Variants in PCBD2 observed in about 807,000 individuals in gnomAD.
The protein encoded by PCBD2 is pterin-4-alpha-carbinolamine dehydratase 2.
Under a neutral mutation model 16.4 loss-of-function variants are expected in PCBD2, and 12 were observed. The ratio of observed to expected loss-of-function variants is 0.73; its 90% CI spans 0.47 to 1.19. The LOEUF is 1.19. Among genes scored for constraint, PCBD2 ranks in the 50% most tolerant of loss-of-function variants. The probability of loss-of-function intolerance (pLI) is 0.00; values close to 1 mark genes in which losing one functional copy is unlikely to be tolerated. For synonymous variants in PCBD2, 58 were observed against 61.8 expected, an observed-to-expected ratio of 0.94 and a Z score of 0.29; for missense variants, 138 against 156.8, an observed-to-expected ratio of 0.88 and a Z score of 0.64.
At chr5:134,935,394 T>C (rs2149536257) in intron 2 of PCBD2, among the ~76,000 whole-genome samples, 1 of 152,370 alleles carries the variant, frequency 6.6e-6, no homozygotes, top group African/African-American at 2.4e-5. Context: ...AACTCCTTTA[T>C]TCCCCATTAT....
At chr5:134,940,733 C>T (rs1246334987) in intron 2 of PCBD2, among the ~76,000 whole-genome samples, 2 of 152,136 alleles carry the variant, frequency 1.3e-5, no homozygotes, top group Non-Finnish European at 2.9e-5. Context: ...CTCACAATCC[C>T]TTGGTGAGTG....
chr5:134,962,294 A>G lies in PCBD2; in HGVS notation c.*1613A>G, dbSNP rs1047186760. Among the ~76,000 whole-genome samples the G allele has an allele frequency of 1.4e-4, 21 of 152,006 alleles. No individual in the cohort carries two copies. The highest frequency in any genetic ancestry group is 2.2e-4 in the Non-Finnish European group (15 of 68,012). On this transcript the variant is annotated 3_prime_UTR_variant, in exon 4 of 4. Coordinates refer to ENST00000254908, the MANE Select transcript of PCBD2 (RefSeq NM_032151.5). Reference sequence around the variant, plus strand: ...TTTTTTGTGGAGACAGGGTCTTACTATGTTGCCATGGCTGGTCTAGAACTT... The same window carrying G: ...TTTTTTGTGGAGACAGGGTCTTACTGTGTTGCCATGGCTGGTCTAGAACTT...
intron 2 of PCBD2, among the ~76,000 whole-genome samples, chr5:134,938,475 AG>A (rs1751187583): frequency 6.6e-6 from 1 of 152,196 alleles, no homozygotes; most frequent in Non-Finnish European, 1.5e-5. Context: ...CCATATGACG[AG>A]GGTGTCCTCT....
At position 134,951,032 on chromosome 5, in the gene PCBD2, T is replaced by A. The variant is rs183033880; in HGVS notation, c.217-8008T>A. 1.3e-3 allele frequency among the ~76,000 whole-genome samples: 197 copies of A among 152,340 alleles called. 2 individuals carry two copies. Among genetic ancestry groups the A allele is most frequent in the Non-Finnish European group, 2.2e-3 (152 of 68,020 alleles). ...CTTTACAGTGGGAACTTCATTTGCA[T>A]GTTGTTCATTTTTTTCCCAAACTAA... On this transcript the variant is annotated intron_variant, in intron 2 of 3. Transcript: ENST00000254908.
chr5:134,922,869 G>A (rs568147162), intron 2 of PCBD2, among the ~76,000 whole-genome samples: 5 of 151,930 alleles, frequency 3.3e-5, no homozygotes, highest in Non-Finnish European at 7.4e-5. Context: ...GTAGACACGG[G>A]GTTTCACCGT....
intron 2 of PCBD2, among the ~76,000 whole-genome samples, chr5:134,941,214 T>G (rs1751223819): frequency 6.6e-6 from 1 of 152,066 alleles, no homozygotes. Context: ...GAGGATTTGA[T>G]GATGATATCC....
chr5:134,927,038 G>A lies in PCBD2; in HGVS notation c.216+16572G>A, dbSNP rs550353863. On this transcript the variant is annotated intron_variant, in intron 2 of 3. Coordinates refer to ENST00000254908, the MANE Select transcript of PCBD2 (RefSeq NM_032151.5). ...TGATGCGACTGTGGGTACGTTCGTA[G>A]TTTGAGTTTGCTAGGCAGAATAGTA... is the stretch of plus-strand genomic sequence containing the variant. 1,312 of 398,530 alleles carry A rather than the reference G, an allele frequency of 3.3e-3. 13 individuals carry two copies. Among genetic ancestry groups the A allele is most frequent in the African/African-American group, 0.025 (1,214 of 48,690 alleles). 24.7% of individuals were successfully genotyped at this position (398,530 alleles called of 1,614,324 possible). A position where few individuals can be genotyped will look rare whatever the true frequency, so the allele number is the denominator to read the frequency against.
intron 2 of PCBD2, among the ~76,000 whole-genome samples, chr5:134,941,201 T>A (rs1429018427): frequency 6.6e-6 from 1 of 151,878 alleles, no homozygotes; most frequent in Non-Finnish European, 1.5e-5. Flanking sequence ...TGCCTGCACC[T>A]TGGAGGATTT....
intron 1 of PCBD2, among the ~76,000 whole-genome samples, chr5:134,908,231 GT>G (rs80277203): frequency 0.06 from 6,891 of 115,260 alleles, 236 homozygotes; most frequent in African/African-American, 0.15. Context: ...CCTAGTAAAT[GT>G]TTTTTTTTTT....
intron 2 of PCBD2, among the ~76,000 whole-genome samples, chr5:134,917,340 C>T (rs1396681865): frequency 6.6e-6 from 1 of 152,252 alleles, no homozygotes; most frequent in Non-Finnish European, 1.5e-5. Flanking sequence ...TGTTCTTTCA[C>T]TTCTGAATAC....
intron 2 of PCBD2, chr5:134,926,285 G>C (rs1259382226): frequency 2.0e-5 from 7 of 344,984 alleles, no homozygotes; most frequent in Non-Finnish European, 3.6e-5. Context: ...ATGACTTCTT[G>C]GTCTAGGTAT....
intron 2 of PCBD2, among the ~76,000 whole-genome samples, chr5:134,932,104 C>CTATACG (rs1315399400): frequency 6.6e-6 from 1 of 152,118 alleles, no homozygotes; most frequent in Non-Finnish European, 1.5e-5. Context: ...AGCCACTAAC[C>CTATACG]GTATAGCTGT....
intron 2 of PCBD2, among the ~76,000 whole-genome samples, chr5:134,942,643 T>A (rs1043270697): frequency 2.0e-5 from 3 of 152,174 alleles, no homozygotes; most frequent in Non-Finnish European, 2.9e-5. Flanking sequence ...AATTTATGAT[T>A]AATACCAAAA....
intron 2 of PCBD2, among the ~76,000 whole-genome samples, chr5:134,915,565 AG>A (rs1236057599): frequency 6.7e-6 from 1 of 148,290 alleles, no homozygotes. Flanking sequence ...ATCCCACCTC[AG>A]CCTCCTGAGT....
At chr5:134,954,934 G>T (rs1751397892) in intron 2 of PCBD2, among the ~76,000 whole-genome samples, 1 of 151,918 alleles carries the variant, frequency 6.6e-6, no homozygotes, top group Non-Finnish European at 1.5e-5. Flanking sequence ...TAGAGATGGG[G>T]TTTCTCCATG....
intron 1 of PCBD2, among the ~76,000 whole-genome samples, chr5:134,906,922 C>G (rs1319717677): frequency 6.6e-6 from 1 of 152,236 alleles, no homozygotes; most frequent in Non-Finnish European, 1.5e-5. Context: ...ACCAAGGGTT[C>G]TGCTGTGAAT....
At position 134,912,056 on chromosome 5, in the gene PCBD2, G is replaced by C. The variant is rs528444891; in HGVS notation, c.216+1590G>C. ...GCCCTGCCTATGATTCAGTCCTCCA[G>C]CACCATTCTGACCTTGCGCTCAGGG... On this transcript the variant is annotated intron_variant, in intron 2 of 3. Transcript: ENST00000254908. Among the ~76,000 whole-genome samples the C allele has an allele frequency of 5.9e-5, 9 of 152,330 alleles. No homozygotes were observed. The East Asian group carries it at 1.7e-3, about 29-fold the overall frequency.
At chr5:134,928,862 A>AGT (rs1751055289) in intron 2 of PCBD2, among the ~76,000 whole-genome samples, 1 of 152,100 alleles carries the variant, frequency 6.6e-6, no homozygotes, top group Non-Finnish European at 1.5e-5. Context: ...GGTGGCTGGA[A>AGT]GTGATATTTA....
At chr5:134,946,180 T>TATAA (rs780967248) in intron 2 of PCBD2, among the ~76,000 whole-genome samples, 16 of 151,638 alleles carry the variant, frequency 1.1e-4, no homozygotes, top group Non-Finnish European at 2.4e-4. Flanking sequence ...CCTTATAGGT[T>TATAA]GGGTAGGCTT....
Sources: gnomAD v4.1 joint callset for allele counts (sites outside exome capture counted in the v4.1 genomes callset) on GRCh38, gnomAD v4.1.1 for gene constraint, MANE v1.5 for transcripts, NCBI Gene and HGNC (gene_info 2026-07-23, HGNC 2026-07-21) for gene names.